The following CCDC178 variants were observed in gnomAD, a reference collection of about 807,000 sequenced individuals.
The protein encoded by CCDC178 is coiled-coil domain-containing protein 178.
A neutral mutation model predicts 117.4 loss-of-function variants in CCDC178; 126 were observed. That is an observed-to-expected ratio of 1.07 (90% CI 0.93 to 1.24). The LOEUF (loss-of-function observed/expected upper bound fraction) is 1.24. Among genes scored for constraint, CCDC178 ranks in the 50% most tolerant of loss-of-function variants. CCDC178 has a pLI of 0.00. For missense variants in CCDC178, 1,030 were observed against 986.9 expected, an observed-to-expected ratio of 1.04 and a Z score of -0.59; for synonymous variants, 283 against 313.4, an observed-to-expected ratio of 0.90 and a Z score of 1.02.
At chr18:33,036,398 G>C (rs1205440105) in intron 21 of CCDC178, among the ~76,000 whole-genome samples, 2 of 151,792 alleles carry the variant, frequency 1.3e-5, no homozygotes, top group Non-Finnish European at 2.9e-5. Flanking sequence ...AAGTGATTAA[G>C]ACATGGTGCT....
intron 20 of CCDC178, among the ~76,000 whole-genome samples, chr18:33,119,677 A>G (rs2057908848): frequency 1.3e-5 from 2 of 152,196 alleles, no homozygotes; most frequent in East Asian, 3.9e-4. Flanking sequence ...CAGCCATCCC[A>G]TTACTGGGTA....
chr18:33,024,008 T>C (rs929571068), intron 21 of CCDC178, among the ~76,000 whole-genome samples: 12 of 152,272 alleles, frequency 7.9e-5, no homozygotes, highest in African/African-American at 2.9e-4. Context: ...AAATTAACCG[T>C]TCCTCAAAAA....
chr18:33,048,819 G>A (rs930020701), intron 21 of CCDC178, among the ~76,000 whole-genome samples: 1 of 152,060 alleles, frequency 6.6e-6, no homozygotes, highest in African/African-American at 2.4e-5. Context: ...TTTCAGATTT[G>A]TTTTCCCAAT....
intron 20 of CCDC178, among the ~76,000 whole-genome samples, chr18:33,119,031 A>G (rs1003116162): frequency 2.6e-5 from 4 of 152,206 alleles, no homozygotes; most frequent in Non-Finnish European, 5.9e-5. Context: ...TTATACAAAA[A>G]TTAATTAAAG....
intron 7 of CCDC178, among the ~76,000 whole-genome samples, chr18:33,355,626 T>C (rs1250170360): frequency 1.3e-5 from 2 of 152,226 alleles, no homozygotes; most frequent in Admixed American, 6.5e-5. Context: ...TTTTCCTTCA[T>C]GTATCTATCT....
chr18:33,389,401 TTATA>T, intron 5 of CCDC178, 135 bp downstream of exon 5: 1 of 356,040 alleles, frequency 2.8e-6, no homozygotes, highest in Non-Finnish European at 5.1e-6. Context: ...ATCTTTACTA[TTATA>T]TATATTTACT....
At chr18:33,335,723 C>A (rs1295538860) in intron 9 of CCDC178, among the ~76,000 whole-genome samples, 3 of 151,738 alleles carry the variant, frequency 2.0e-5, no homozygotes, top group Non-Finnish European at 4.4e-5. Flanking sequence ...AAAAAAGTTT[C>A]TTGTCCTTGC....
intron 21 of CCDC178, among the ~76,000 whole-genome samples, chr18:33,086,417 AAT>A (rs1318096366): frequency 2.7e-5 from 4 of 149,682 alleles, no homozygotes; most frequent in East Asian, 2.0e-4. Flanking sequence ...TACATATATA[AAT>A]ATATATACAC....
intron 20 of CCDC178, among the ~76,000 whole-genome samples, chr18:33,178,951 C>G (rs904161522): frequency 8.8e-5 from 13 of 147,638 alleles, no homozygotes; most frequent in Admixed American, 1.4e-4. Flanking sequence ...CAGTCGGCAT[C>G]ATAGTGATAA....
rs560164146 is a variant in CCDC178 at position 33,018,431 on chromosome 18, A to C, written c.2389-43750T>G. 3.3e-5 allele frequency among the ~76,000 whole-genome samples: 5 copies of C among 152,210 alleles called. No individual in the cohort carries two copies. In the East Asian group the frequency reaches 9.6e-4, roughly 29 times the overall value. ...TACTCTGAGGTACACATTCAAGAGA[A>C]GTGTAAAGGTATGTCCACCCAAACT... On this transcript the variant is annotated intron_variant, in intron 21 of 22. Transcript: ENST00000383096.
intron 22 of CCDC178, among the ~76,000 whole-genome samples, chr18:32,942,384 A>G (rs928094972): frequency 2.6e-5 from 4 of 152,136 alleles, no homozygotes; most frequent in Non-Finnish European, 5.9e-5. Context: ...AGGCATAATC[A>G]CTGTAAATCT....
intron 20 of CCDC178, among the ~76,000 whole-genome samples, chr18:33,179,078 A>AATATATATATATATAT (rs1555656270): frequency 1.8e-5 from 1 of 55,824 alleles, no homozygotes; most frequent in Non-Finnish European, 2.9e-5. Flanking sequence ...AAAAAAAAAA[A>AATATATATATATATAT]ATATATATAT....
At chr18:32,956,960 A>AAAGG (rs1353368846) in intron 22 of CCDC178, 3 of 140,796 alleles carry the variant, frequency 2.1e-5, no homozygotes, top group African/African-American at 7.9e-5. Flanking sequence ...AAATATTTCT[A>AAAGG]AAGGAAGGAA....
At chr18:33,138,163 G>A (rs1274907801) in intron 20 of CCDC178, among the ~76,000 whole-genome samples, 2 of 152,170 alleles carry the variant, frequency 1.3e-5, no homozygotes, top group African/African-American at 2.4e-5. Context: ...GTGTATAAAT[G>A]TTATGCTCTG....
intron 11 of CCDC178, among the ~76,000 whole-genome samples, chr18:33,313,938 C>T (rs1242179759): frequency 2.4e-4 from 37 of 152,034 alleles, no homozygotes; most frequent in African/African-American, 8.5e-4. Context: ...CGGTGGCTCA[C>T]GCCTGTAATC....
chr18:33,370,194 A>G lies in CCDC178; in HGVS notation c.209-5T>C. 2 of 1,584,624 alleles carry G rather than the reference A, an allele frequency of 1.3e-6. No homozygotes were observed. The highest frequency in any genetic ancestry group is 8.6e-7 in the Non-Finnish European group (1 of 1,167,444). On this transcript the variant is annotated splice_polypyrimidine_tract_variant and splice_region_variant and intron_variant, in intron 5 of 22. Coordinates refer to ENST00000383096, the MANE Select transcript of CCDC178 (RefSeq NM_001105528.4). The stretch of plus-strand genomic sequence containing the variant: ...AGTAAATGCCTTTATTCACCCCTAA[A>G]GAGAACAAATAGAAGTTCATTACTC...
intron 2 of CCDC178, among the ~76,000 whole-genome samples, chr18:33,432,615 C>T (rs964428067): frequency 1.3e-5 from 2 of 152,072 alleles, no homozygotes; most frequent in East Asian, 3.9e-4. Flanking sequence ...CAAAGAAACA[C>T]ATCTCTTTGA....
At chr18:32,981,535 T>A (rs534469620) in intron 21 of CCDC178, among the ~76,000 whole-genome samples, 48 of 152,356 alleles carry the variant, frequency 3.2e-4, no homozygotes, top group African/African-American at 1.1e-3. Flanking sequence ...TAGTTGTTTC[T>A]TTAAAGAACA....
chr18:33,121,585 A>G (rs978929869), intron 20 of CCDC178, among the ~76,000 whole-genome samples: 3 of 152,110 alleles, frequency 2.0e-5, no homozygotes, highest in East Asian at 1.9e-4. Flanking sequence ...TCTGACCACT[A>G]TAGGCTTTTG....
Sources: gnomAD v4.1 joint callset for allele counts (sites outside exome capture counted in the v4.1 genomes callset) on GRCh38, gnomAD v4.1.1 for gene constraint, MANE v1.5 for transcripts, NCBI Gene and HGNC (gene_info 2026-07-23, HGNC 2026-07-21) for gene names.